Variants in TAFA5 observed in about 807,000 individuals in gnomAD.
TAFA5 encodes chemokine-like protein TAFA-5.
TAFA5 carries 6 observed loss-of-function variants against 15.3 expected under a neutral mutation model. The ratio of observed to expected loss-of-function variants is 0.39; its 90% CI spans 0.21 to 0.77. The LOEUF is 0.77. TAFA5 is among the 30% of genes least tolerant of loss of function. The pLI is 0.41. For synonymous variants in TAFA5, 103 were observed against 80.7 expected (o/e 1.28, Z -1.48); for missense variants, 161 against 193.1 (o/e 0.83, Z 0.98).
At chr22:48,589,412 C>T (rs1363346430) in intron 1 of TAFA5, among the ~76,000 whole-genome samples, 2 of 151,738 alleles carry the variant, frequency 1.3e-5, no homozygotes, top group Non-Finnish European at 2.9e-5. Context: ...GGTTGGAGGT[C>T]CCCAAAGACA....
chr22:48,584,327 A>G (rs760814229), intron 1 of TAFA5, among the ~76,000 whole-genome samples: 21 of 145,558 alleles, frequency 1.4e-4, no homozygotes, highest in Non-Finnish European at 3.2e-4. Context: ...AAAATACACC[A>G]CACAGATATC....
chr22:48,532,041 G>A (rs946333357), intron 1 of TAFA5, among the ~76,000 whole-genome samples: 2 of 152,232 alleles, frequency 1.3e-5, no homozygotes, highest in Non-Finnish European at 2.9e-5. Flanking sequence ...GCATCCAGAG[G>A]AAGGTGGGTG....
intron 2 of TAFA5, among the ~76,000 whole-genome samples, chr22:48,649,550 C>T (rs932426968): frequency 6.6e-6 from 1 of 152,156 alleles, no homozygotes; most frequent in Non-Finnish European, 1.5e-5. Flanking sequence ...GATTAAACAC[C>T]AGGTACGCAG....
chr22:48,628,779 C>G (rs955570481), intron 1 of TAFA5, among the ~76,000 whole-genome samples: 5 of 152,240 alleles, frequency 3.3e-5, no homozygotes, highest in African/African-American at 1.2e-4. Flanking sequence ...CTGCTGCAAA[C>G]AGCTCCGCGG....
Position 48,576,244 on chromosome 22 carries a change from C to T in TAFA5, c.113-70353C>T, listed in dbSNP as rs1325558944. On this transcript the variant is annotated intron_variant, in intron 1 of 3. Transcript: ENST00000402357. ...CCGAGACTTTCTGCTAACCTCCCCGCCCCCGCCCGCCCCCTCCGCGGCGCC... is the reference window on the plus strand; with the variant it reads ...CCGAGACTTTCTGCTAACCTCCCCGTCCCCGCCCGCCCCCTCCGCGGCGCC... 6 of 448,588 alleles carry T rather than the reference C, an allele frequency of 1.3e-5. No homozygotes were observed. In the East Asian group the frequency reaches 1.9e-4, roughly 14 times the overall value. 27.8% of individuals were successfully genotyped at this position (448,588 alleles called of 1,614,324 possible). A position where few individuals can be genotyped will look rare whatever the true frequency, so the allele number is the denominator to read the frequency against.
chr22:48,631,755 A>C (rs565569612), intron 1 of TAFA5, among the ~76,000 whole-genome samples: 1 of 152,290 alleles, frequency 6.6e-6, no homozygotes, highest in African/African-American at 2.4e-5. Context: ...GACGCCCTCC[A>C]GGTTTCCTGA....
chr22:48,588,349 C>T lies in TAFA5; in HGVS notation c.113-58248C>T, dbSNP rs557202561. On this transcript the variant is annotated intron_variant, in intron 1 of 3. Transcript: ENST00000402357. ...AATGCAAGGGCAGAAAGTGCAGTCT[C>T]GGCGGCCGCCCGAGAACCAGGTGCC... is the stretch of plus-strand genomic sequence containing the variant. 2.6e-5 allele frequency among the ~76,000 whole-genome samples: 4 copies of T among 152,246 alleles called. No individual in the cohort carries two copies. The South Asian group carries it at 6.2e-4, about 24-fold the overall frequency.
At chr22:48,681,518 G>T (rs1432397494) in intron 2 of TAFA5, among the ~76,000 whole-genome samples, 1 of 151,540 alleles carries the variant, frequency 6.6e-6, no homozygotes, top group East Asian at 1.9e-4. Context: ...AGGCGTGGGG[G>T]TAGGTGCCTG....
intron 1 of TAFA5, among the ~76,000 whole-genome samples, chr22:48,636,027 C>T (rs1926432643): frequency 1.3e-5 from 2 of 152,368 alleles, no homozygotes; most frequent in African/African-American, 2.4e-5. Flanking sequence ...GCCCTGCCCA[C>T]GTTTGCAGGT....
intron 2 of TAFA5, among the ~76,000 whole-genome samples, chr22:48,677,867 G>A (rs932139107): frequency 2.6e-5 from 4 of 151,940 alleles, no homozygotes; most frequent in African/African-American, 9.7e-5. Flanking sequence ...CAGTGGCCCT[G>A]CCATGTTGCT....
At chr22:48,707,973 G>A (rs148298390) in intron 3 of TAFA5, 129 bp downstream of exon 3, 2 of 1,250,890 alleles carry the variant, frequency 1.6e-6, no homozygotes, top group African/African-American at 1.5e-5. Flanking sequence ...GAGAGGCCAG[G>A]GCCCTGTCTC....
intron 2 of TAFA5, among the ~76,000 whole-genome samples, chr22:48,665,233 C>T (rs1346805850): frequency 2.6e-5 from 4 of 152,154 alleles, no homozygotes; most frequent in African/African-American, 9.7e-5. Flanking sequence ...TGTTCATTTG[C>T]GTCTTCCACT....
chr22:48,637,648 TCG>T (rs1422153288), intron 1 of TAFA5, among the ~76,000 whole-genome samples: 1 of 152,082 alleles, frequency 6.6e-6, no homozygotes, highest in Admixed American at 6.5e-5. Flanking sequence ...TCCCGCACCC[TCG>T]CTCAGGTGTG....
intron 1 of TAFA5, among the ~76,000 whole-genome samples, chr22:48,587,829 G>T (rs753974756): frequency 5.3e-5 from 8 of 152,254 alleles, no homozygotes; most frequent in Non-Finnish European, 1.0e-4. Context: ...CAGCGGTTCG[G>T]AAGGCCTGGA....
At chr22:48,578,082 G>C (rs756596343) in intron 1 of TAFA5, among the ~76,000 whole-genome samples, 8 of 152,260 alleles carry the variant, frequency 5.3e-5, no homozygotes, top group Non-Finnish European at 1.0e-4. Context: ...CTGCTCTGCT[G>C]GGCCTGTTTG....
intron 1 of TAFA5, among the ~76,000 whole-genome samples, chr22:48,513,077 C>T (rs1003175784): frequency 2.6e-5 from 4 of 152,114 alleles, no homozygotes; most frequent in African/African-American, 9.7e-5. Context: ...CACAGCCACT[C>T]TGGGGTGCGT....
At chr22:48,540,164 G>A (rs1017552974) in intron 1 of TAFA5, among the ~76,000 whole-genome samples, 80 of 152,332 alleles carry the variant, frequency 5.3e-4, no homozygotes, top group Non-Finnish European at 1.1e-3. Flanking sequence ...CCTTGTGTAC[G>A]GGAGGGTGAG....
intron 3 of TAFA5, among the ~76,000 whole-genome samples, chr22:48,730,952 G>T (rs879796740): frequency 3.3e-5 from 5 of 152,192 alleles, no homozygotes; most frequent in Admixed American, 3.3e-4. Flanking sequence ...ATCGAGCTTC[G>T]TGAGGAAGGC....
At chr22:48,693,653 T>G (rs1296526945) in intron 2 of TAFA5, among the ~76,000 whole-genome samples, 1 of 152,108 alleles carries the variant, frequency 6.6e-6, no homozygotes. Flanking sequence ...GCTCTCTCTC[T>G]GTCTCAGTCC....
Sources: allele counts gnomAD v4.1 joint callset (sites outside exome capture counted in the v4.1 genomes callset), GRCh38; gene constraint gnomAD v4.1.1; transcripts MANE v1.5; gene names NCBI Gene and HGNC (gene_info 2026-07-23, HGNC 2026-07-21).